The following PRRC1 variants were observed in gnomAD, a reference collection of about 807,000 sequenced individuals.
The protein encoded by PRRC1 is proline rich coiled-coil 1.
In PRRC1, 39 loss-of-function variants were observed where a neutral mutation model predicts 40.7. The ratio of observed to expected loss-of-function variants is 0.96; its 90% CI spans 0.74 to 1.25. The LOEUF (loss-of-function observed/expected upper bound fraction) is 1.25. PRRC1 is among the 50% of genes most tolerant of loss of function. The probability of loss-of-function intolerance (pLI) is 0.00; values close to 1 mark genes in which losing one functional copy is unlikely to be tolerated. For synonymous variants in PRRC1, 175 were observed against 193.3 expected (o/e 0.91, Z 0.79); for missense variants, 573 against 548.3 (o/e 1.05, Z -0.45).
intron 8 of PRRC1, chr5:127,549,902 C>T (rs1768329369): frequency 6.6e-6 from 1 of 152,030 alleles, no homozygotes; most frequent in Non-Finnish European, 1.5e-5. Flanking sequence ...GATATCTGAC[C>T]ATTGCAAAGG....
At chr5:127,544,881 C>T (rs1768169885) in intron 7 of PRRC1, among the ~76,000 whole-genome samples, 1 of 152,236 alleles carries the variant, frequency 6.6e-6, no homozygotes, top group Non-Finnish European at 1.5e-5. Flanking sequence ...TGGTGCGCTG[C>T]ACCCACTGTC....
intron 4 of PRRC1, among the ~76,000 whole-genome samples, chr5:127,527,217 TTGTA>T (rs1402921158): frequency 2.6e-5 from 4 of 152,202 alleles, no homozygotes; most frequent in African/African-American, 9.7e-5. Context: ...TTGACAAAAA[TTGTA>T]TGTGTTTATT....
intron 6 of PRRC1, 64 bp downstream of exon 6, chr5:127,533,850 T>TA: frequency 1.3e-6 from 2 of 1,543,444 alleles, no homozygotes; most frequent in Non-Finnish European, 1.8e-6. Flanking sequence ...ACAATTCTGA[T>TA]AATCTGTTGT....
At chr5:127,540,631 G>A (rs1469106187) in intron 7 of PRRC1, among the ~76,000 whole-genome samples, 1 of 152,080 alleles carries the variant, frequency 6.6e-6, no homozygotes, top group African/African-American at 2.4e-5. Context: ...TTTGCTGGAT[G>A]TAGAAGTCTA....
chr5:127,538,632 C>T (rs187369188), intron 6 of PRRC1, among the ~76,000 whole-genome samples: 3 of 151,892 alleles, frequency 2.0e-5, no homozygotes, highest in Non-Finnish European at 1.5e-5. Flanking sequence ...TGATTGCCTA[C>T]CTGAAAAATT....
intron 4 of PRRC1, among the ~76,000 whole-genome samples, chr5:127,528,961 C>T (rs1416327657): frequency 2.6e-5 from 4 of 152,108 alleles, no homozygotes; most frequent in Non-Finnish European, 5.9e-5. Context: ...GTTTTAATTA[C>T]TTTTACTTTG....
intron 6 of PRRC1, among the ~76,000 whole-genome samples, chr5:127,537,512 TTATCCTGTTTCTTGCAGGAA>T (rs1767929867): frequency 6.6e-6 from 1 of 151,958 alleles, no homozygotes; most frequent in Admixed American, 6.6e-5. Flanking sequence ...ACCTAGCTTA[TTATCCTGTTTCTTGCAGGAA>T]CTAATTAATT....
chr5:127,527,689 G>T (rs1218490561), intron 4 of PRRC1, among the ~76,000 whole-genome samples: 1 of 145,462 alleles, frequency 6.9e-6, no homozygotes, highest in South Asian at 2.2e-4. Flanking sequence ...AGCCCAGGAG[G>T]TCCAGGCTGC....
chr5:127,524,675 T>A lies in PRRC1; in HGVS notation c.248T>A (p.Val83Asp). ...PFVPPPAVPS[V>D]PPLVTSMPPP... ...GTGCCTCCTCCTGCAGTTCCTTCTG[T>A]CCCACCACTTGTTACTTCTATGCCA... The change falls in exon 3 of 9, where the codon GTC becomes GAC. Residue 83 changes from valine (V) to aspartate (D), a missense_variant. Coordinates refer to ENST00000296666, the MANE Select transcript of PRRC1 (RefSeq NM_130809.5). The A allele has an allele frequency of 6.2e-7, 1 of 1,614,152 alleles. No individual in the cohort carries two copies.
chr5:127,531,662 A>G (rs1349107641), intron 5 of PRRC1, among the ~76,000 whole-genome samples: 30 of 119,292 alleles, frequency 2.5e-4, no homozygotes, highest in African/African-American at 1.1e-3. Context: ...TCACTCTGTC[A>G]CTCAGACTGG....
In PRRC1 at chr5:127,517,672, C is replaced by A. The variant is rs1016521005; in HGVS notation, c.-125C>A. On this transcript the variant is annotated 5_prime_UTR_variant, in exon 1 of 9. Transcript: ENST00000296666. ...AGGCGGGGACACGCCGAGGTAACTT[C>A]CAGGGTGCGCCTTCGTTGTCTTCTC... 6.6e-6 allele frequency: 1 copy of A among 151,962 alleles called. No homozygotes were observed. The highest frequency in any genetic ancestry group is 2.4e-5 in the African/African-American group (1 of 41,416). 9.4% of individuals were successfully genotyped at this position (151,962 alleles called of 1,614,324 possible).
Position 127,523,595 on chromosome 5 carries a change from G to A in PRRC1, c.103+13G>A. On this transcript the variant is annotated intron_variant, in intron 2 of 8. Transcript: ENST00000296666. ...CCTGTTCCATTAGGTACATGTAGTT[G>A]TCTAACATCTCGTGTGTTTTGAGAA... 1 of 1,515,682 alleles carries A rather than the reference G, an allele frequency of 6.6e-7. No individual in the cohort carries two copies. Among genetic ancestry groups the A allele is most frequent in the Non-Finnish European group, 9.0e-7 (1 of 1,108,414 alleles). 93.9% of individuals were successfully genotyped at this position (1,515,682 alleles called of 1,614,324 possible).
chr5:127,545,957 C>T (rs1037554439), intron 7 of PRRC1, among the ~76,000 whole-genome samples: 7 of 151,338 alleles, frequency 4.6e-5, no homozygotes, highest in African/African-American at 7.3e-5. Flanking sequence ...TTTGTGGATT[C>T]GCTGAGCTTC....
Position 127,527,027 on chromosome 5 carries a change from A to G in PRRC1, c.654+249A>G, listed in dbSNP as rs79191282. Among the ~76,000 whole-genome samples the G allele has an allele frequency of 7.2e-3, 1,093 of 152,326 alleles. 11 individuals are homozygous for G. Among genetic ancestry groups the G allele is most frequent in the African/African-American group, 0.025 (1,033 of 41,574 alleles). On this transcript the variant is annotated intron_variant, in intron 4 of 8. Transcript: ENST00000296666. ...TCATGTTTTCTGGTCTTTACTGAGC[A>G]TATATCATGGATATCTTCCTGGCCG... is the stretch of plus-strand genomic sequence containing the variant.
intron 3 of PRRC1, among the ~76,000 whole-genome samples, chr5:127,526,362 C>G (rs915597614): frequency 2.0e-5 from 3 of 152,186 alleles, no homozygotes; most frequent in African/African-American, 7.2e-5. Flanking sequence ...CTGAATAGGA[C>G]AGACCTGAAG....
At position 127,552,452 on chromosome 5, in the gene PRRC1, GT is replaced by G; in HGVS notation, c.*540del. The G allele has an allele frequency of 1.0e-6, 1 of 986,850 alleles. No individual in the cohort carries two copies. Among genetic ancestry groups the G allele is most frequent in the Non-Finnish European group, 1.2e-6 (1 of 830,654 alleles). 61.1% of individuals were successfully genotyped at this position (986,850 alleles called of 1,614,324 possible). ...GGAGATGTTCCACATTTCTGTGCAT[GT>G]TTTCAGTAATATGGGCCAAAATAAT... On this transcript the variant is annotated 3_prime_UTR_variant, in exon 9 of 9. Transcript: ENST00000296666.
chr5:127,533,476 T>C, intron 5 of PRRC1, 147 bp from the exon 6 acceptor site: 1 of 734,834 alleles, frequency 1.4e-6, no homozygotes, highest in African/African-American at 1.8e-5. Flanking sequence ...TTCTCAAGCA[T>C]ATAAAAAAGA....
intron 7 of PRRC1, among the ~76,000 whole-genome samples, chr5:127,543,406 C>G (rs1768109976): frequency 6.6e-6 from 1 of 151,900 alleles, no homozygotes; most frequent in African/African-American, 2.4e-5. Context: ...TTTCCTGAAT[C>G]TGAATGTTGG....
intron 7 of PRRC1, among the ~76,000 whole-genome samples, chr5:127,540,390 T>C (rs145185911): frequency 2.2e-4 from 34 of 152,162 alleles, no homozygotes; most frequent in African/African-American, 8.0e-4. Flanking sequence ...TTAAGTATTT[T>C]AATTCTGCAT....
Sources: allele counts gnomAD v4.1 joint callset (sites outside exome capture counted in the v4.1 genomes callset), GRCh38; gene constraint gnomAD v4.1.1; transcripts MANE v1.5; gene names NCBI Gene and HGNC (gene_info 2026-07-23, HGNC 2026-07-21).